CAB39: variants seen among roughly 807,000 people sequenced by gnomAD.
The protein encoded by CAB39 is calcium-binding protein 39.
CAB39 carries 8 observed loss-of-function variants against 40.0 expected under a neutral mutation model. The observed-to-expected ratio is 0.20, with a 90% confidence interval of 0.12 to 0.36. The LOEUF (loss-of-function observed/expected upper bound fraction) is 0.36, where lower values mean the gene tolerates loss of function less well. Among genes scored for constraint, CAB39 ranks in the 10% least tolerant of loss-of-function variants. The pLI, the probability that CAB39 is intolerant of heterozygous loss-of-function variation, is 1.00. For synonymous variants in CAB39, 156 were observed against 141.6 expected, an observed-to-expected ratio of 1.10 and a Z score of -0.72; for missense variants, 270 against 401.1, an observed-to-expected ratio of 0.67 and a Z score of 2.79.
At chr2:230,792,804 T>C (rs1176461630) in intron 3 of CAB39, among the ~76,000 whole-genome samples, 1 of 152,218 alleles carries the variant, frequency 6.6e-6, no homozygotes, top group Non-Finnish European at 1.5e-5. Flanking sequence ...TCCATCACTA[T>C]GAAAGGAAAG....
chr2:230,716,487 C>T (rs1235956783), intron 1 of CAB39, among the ~76,000 whole-genome samples: 1 of 152,136 alleles, frequency 6.6e-6, no homozygotes, highest in Admixed American at 6.5e-5. Flanking sequence ...AGTAGTAGGA[C>T]GAATTTTGTT....
At chr2:230,769,824 C>CA (rs76656397) in intron 2 of CAB39, among the ~76,000 whole-genome samples, 1,358 of 92,794 alleles carry the variant, frequency 0.015, 7 homozygotes, top group African/African-American at 0.03. Flanking sequence ...ACTAAAAATA[C>CA]AAAAAAAAAA....
intron 7 of CAB39, 102 bp from the exon 8 acceptor site, chr2:230,817,652 A>T: frequency 1.1e-6 from 1 of 895,538 alleles, no homozygotes; most frequent in Non-Finnish European, 1.7e-6. Context: ...TTGAGTGCCT[A>T]CTAATACTCT....
At chr2:230,731,589 A>G (rs996389711) in intron 1 of CAB39, among the ~76,000 whole-genome samples, 1 of 152,208 alleles carries the variant, frequency 6.6e-6, no homozygotes, top group African/African-American at 2.4e-5. Flanking sequence ...TGTAGCCTCA[A>G]ACGTCAGGGC....
intron 5 of CAB39, among the ~76,000 whole-genome samples, chr2:230,807,745 C>T: frequency 6.6e-6 from 1 of 152,210 alleles, no homozygotes; most frequent in East Asian, 1.9e-4. Flanking sequence ...CATGTTAACA[C>T]CTAGAGGGCC....
At chr2:230,810,746 C>G (rs1006117129) in intron 6 of CAB39, among the ~76,000 whole-genome samples, 1 of 152,246 alleles carries the variant, frequency 6.6e-6, no homozygotes, top group Non-Finnish European at 1.5e-5. Context: ...TGCTCCTGCT[C>G]TACTGCTCAC....
intron 1 of CAB39, among the ~76,000 whole-genome samples, chr2:230,733,293 G>A (rs766702012): frequency 3.3e-5 from 5 of 152,062 alleles, no homozygotes; most frequent in Non-Finnish European, 7.4e-5. Flanking sequence ...AAGACTAGCT[G>A]TTTTTTGACC....
At chr2:230,753,292 C>A (rs1695121645) in intron 1 of CAB39, among the ~76,000 whole-genome samples, 1 of 152,098 alleles carries the variant, frequency 6.6e-6, no homozygotes. Flanking sequence ...CCACATACCA[C>A]CACTTTGGGA....
chr2:230,791,953 T>G (rs1418564018), intron 3 of CAB39, among the ~76,000 whole-genome samples: 2 of 152,218 alleles, frequency 1.3e-5, no homozygotes, highest in Admixed American at 1.3e-4. Flanking sequence ...CCCCAGTGTT[T>G]GTCAGCCTGA....
At chr2:230,730,445 C>CTT (rs11344642) in intron 1 of CAB39, among the ~76,000 whole-genome samples, 4 of 127,898 alleles carry the variant, frequency 3.1e-5, no homozygotes, top group East Asian at 2.1e-4. Flanking sequence ...GAAAACTTTT[C>CTT]TTTTTTTTTT....
At chr2:230,713,877 C>T (rs1354697412) in intron 1 of CAB39, 1 of 152,316 alleles carries the variant, frequency 6.6e-6, no homozygotes, top group Non-Finnish European at 1.5e-5. Context: ...ACACAAATAA[C>T]TGCGATACCG....
intron 1 of CAB39, among the ~76,000 whole-genome samples, chr2:230,748,180 C>T (rs189949935): frequency 1.3e-5 from 2 of 151,628 alleles, no homozygotes; most frequent in African/African-American, 2.4e-5. Flanking sequence ...GTGAAGTGTC[C>T]ATTTTCTGGG....
At chr2:230,810,181 A>G in intron 5 of CAB39, 82 bp from the exon 6 acceptor site, 1 of 644,962 alleles carries the variant, frequency 1.6e-6, no homozygotes, top group Non-Finnish European at 2.8e-6. Flanking sequence ...AGTTTTTATT[A>G]GGTAAAATGG....
chr2:230,718,126 G>GGT (rs1223191897), intron 1 of CAB39, among the ~76,000 whole-genome samples: 3 of 152,182 alleles, frequency 2.0e-5, no homozygotes, highest in African/African-American at 7.2e-5. Flanking sequence ...GTTTTTATAT[G>GGT]GTAATTATTC....
At chr2:230,728,051 C>T (rs1165031618) in intron 1 of CAB39, among the ~76,000 whole-genome samples, 1 of 151,860 alleles carries the variant, frequency 6.6e-6, no homozygotes, top group Non-Finnish European at 1.5e-5. Flanking sequence ...CCAGCCTGGT[C>T]AACATGGTGA....
chr2:230,750,185 G>C (rs1480049416), intron 1 of CAB39, among the ~76,000 whole-genome samples: 1 of 152,186 alleles, frequency 6.6e-6, no homozygotes, highest in Non-Finnish European at 1.5e-5. Context: ...CTTATGCTGA[G>C]GCTTGGCCCC....
At position 230,802,602 on chromosome 2, in the gene CAB39, A is replaced by G. The variant is rs368052532; in HGVS notation, c.567+3705A>G. Among the ~76,000 whole-genome samples, 8 of 152,348 alleles carry G rather than the reference A, an allele frequency of 5.3e-5. No individual in the cohort carries two copies. In the East Asian group the frequency reaches 1.3e-3, roughly 26 times the overall value. On this transcript the variant is annotated intron_variant, in intron 5 of 8. Coordinates refer to ENST00000258418, the MANE Select transcript of CAB39 (RefSeq NM_016289.4). ...TCACCACCGATCCCACAGAAATACA[A>G]ACTACCATCAGAGAATACCATAAAC...
rs370063073 is a variant in CAB39 at position 230,793,355 on chromosome 2, G to A, written c.398+24G>A. 2.0e-4 allele frequency: 233 copies of A among 1,168,408 alleles called. 3 individuals are homozygous for A. In the South Asian group the frequency reaches 3.6e-3, roughly 18 times the overall value. The allele number at this position is 1,168,408 out of a possible 1,614,324, so 72.4% of individuals were successfully genotyped here. A position where few individuals can be genotyped will look rare whatever the true frequency, so the allele number is the denominator to read the frequency against. On this transcript the variant is annotated intron_variant, in intron 4 of 8. Coordinates refer to ENST00000258418, the MANE Select transcript of CAB39 (RefSeq NM_016289.4). The stretch of plus-strand genomic sequence containing the variant: ...GGGTATGTACAATGTAATAAAATTT[G>A]TATTCTCAGTTGAACATAAAGGAAG...
At chr2:230,807,935 C>T (rs1473581850) in intron 5 of CAB39, among the ~76,000 whole-genome samples, 4 of 152,030 alleles carry the variant, frequency 2.6e-5, no homozygotes, top group Non-Finnish European at 4.4e-5. Context: ...ACGATTTAGT[C>T]GCAAAAAGTT....
Sources: allele counts gnomAD v4.1 joint callset (sites outside exome capture counted in the v4.1 genomes callset), GRCh38; gene constraint gnomAD v4.1.1; transcripts MANE v1.5; gene names NCBI Gene and HGNC (gene_info 2026-07-23, HGNC 2026-07-21).